The following PLCB1 variants were observed in gnomAD, a reference collection of about 807,000 sequenced individuals.
PLCB1 encodes the protein 1-phosphatidylinositol 4,5-bisphosphate phosphodiesterase beta-1.
In PLCB1, 46 loss-of-function variants were observed where a neutral mutation model predicts 161.8. That is an observed-to-expected ratio of 0.28 (90% confidence interval 0.22 to 0.36). The LOEUF (loss-of-function observed/expected upper bound fraction) is 0.36. PLCB1 is among the 10% of genes least tolerant of loss of function. PLCB1 has a pLI of 1.00. For synonymous variants in PLCB1, 517 were observed against 503.7 expected, an observed-to-expected ratio of 1.03 and a Z score of -0.35; for missense variants, 1,016 against 1,472.5, an observed-to-expected ratio of 0.69 and a Z score of 5.07.
chr20:8,818,349 G>A (rs567544432), intron 31 of PLCB1, among the ~76,000 whole-genome samples: 1 of 152,290 alleles, frequency 6.6e-6, no homozygotes, highest in East Asian at 1.9e-4. Context: ...TGAGGACTGA[G>A]GGTTTCCCAC....
intron 31 of PLCB1, among the ~76,000 whole-genome samples, chr20:8,850,530 T>C (rs1370154654): frequency 6.6e-6 from 1 of 152,248 alleles, no homozygotes; most frequent in African/African-American, 2.4e-5. Flanking sequence ...TGAATATATG[T>C]GTCCCTTCAA....
chr20:8,680,384 A>G (rs1295487100), intron 9 of PLCB1, among the ~76,000 whole-genome samples: 1 of 152,154 alleles, frequency 6.6e-6, no homozygotes, highest in African/African-American at 2.4e-5. Flanking sequence ...ATTTTTGCAA[A>G]TACTCTTGAC....
chr20:8,850,695 G>A (rs557958364), intron 31 of PLCB1, among the ~76,000 whole-genome samples: 2 of 152,266 alleles, frequency 1.3e-5, no homozygotes, highest in South Asian at 2.1e-4. Flanking sequence ...TCTGCCATGT[G>A]AGGACACAGC....
At chr20:8,518,565 G>C (rs574100768) in intron 3 of PLCB1, among the ~76,000 whole-genome samples, 1 of 152,044 alleles carries the variant, frequency 6.6e-6, no homozygotes, top group Non-Finnish European at 1.5e-5. Flanking sequence ...TAGTTCATTA[G>C]TTTATCTATA....
chr20:8,817,178 A>G (rs561114538), intron 31 of PLCB1, among the ~76,000 whole-genome samples: 9 of 152,362 alleles, frequency 5.9e-5, no homozygotes, highest in Non-Finnish European at 8.8e-5. Flanking sequence ...TGAGCTTCCA[A>G]TGAAAACTCT....
intron 27 of PLCB1, among the ~76,000 whole-genome samples, chr20:8,786,957 G>A (rs1983519069): frequency 6.6e-6 from 1 of 151,952 alleles, no homozygotes; most frequent in Non-Finnish European, 1.5e-5. Flanking sequence ...CACCTGCCTC[G>A]GCCTCCCAAA....
At chr20:8,289,391 C>T (rs1469476698) in intron 2 of PLCB1, among the ~76,000 whole-genome samples, 2 of 152,076 alleles carry the variant, frequency 1.3e-5, no homozygotes, top group East Asian at 1.9e-4. Context: ...CACTGAGACT[C>T]CCGGGAAAGC....
intron 2 of PLCB1, among the ~76,000 whole-genome samples, chr20:8,323,323 A>G (rs1238075393): frequency 1.3e-5 from 2 of 152,172 alleles, no homozygotes; most frequent in East Asian, 3.9e-4. Context: ...AACAATAACC[A>G]TCATTTGTTG....
chr20:8,140,182 A>G (rs1543402), intron 1 of PLCB1, among the ~76,000 whole-genome samples: 33,495 of 152,130 alleles, frequency 0.22, 3,871 homozygotes, highest in Admixed American at 0.27. Flanking sequence ...GGTAGATACA[A>G]TAGCTCTCCC....
chr20:8,346,782 G>A (rs1240858234), intron 2 of PLCB1, among the ~76,000 whole-genome samples: 1 of 152,222 alleles, frequency 6.6e-6, no homozygotes, highest in Non-Finnish European at 1.5e-5. Flanking sequence ...GAATCCCAAA[G>A]AGAGCAGCAA....
intron 3 of PLCB1, chr20:8,625,375 A>G (rs1249438031): frequency 1.3e-5 from 2 of 152,194 alleles, no homozygotes; most frequent in African/African-American, 4.8e-5. Flanking sequence ...AGCTGCATTC[A>G]AAAATAGATA....
chr20:8,379,450 C>T (rs929855138), intron 3 of PLCB1, among the ~76,000 whole-genome samples: 1 of 152,138 alleles, frequency 6.6e-6, no homozygotes, highest in Non-Finnish European at 1.5e-5. Flanking sequence ...GACTTATATT[C>T]CTCTGGCTGT....
chr20:8,262,817 T>C (rs1236328248), intron 2 of PLCB1, among the ~76,000 whole-genome samples: 1 of 152,196 alleles, frequency 6.6e-6, no homozygotes, highest in Non-Finnish European at 1.5e-5. Context: ...CTTCTTGCTG[T>C]GTGTTCAACT....
At chr20:8,723,811 C>A (rs1392880104) in intron 15 of PLCB1, among the ~76,000 whole-genome samples, 1 of 151,998 alleles carries the variant, frequency 6.6e-6, no homozygotes, top group Non-Finnish European at 1.5e-5. Flanking sequence ...TTAATCCCTG[C>A]ACTATGCTTT....
chr20:8,496,822 C>T (rs1983197365), intron 3 of PLCB1, among the ~76,000 whole-genome samples: 1 of 151,912 alleles, frequency 6.6e-6, no homozygotes, highest in African/African-American at 2.4e-5. Flanking sequence ...TATCTACTAC[C>T]ACACTCTCAA....
chr20:8,355,512 C>T (rs879440251), intron 2 of PLCB1, among the ~76,000 whole-genome samples: 8 of 152,288 alleles, frequency 5.3e-5, no homozygotes, highest in Admixed American at 3.9e-4. Flanking sequence ...AAATGACCCT[C>T]GTCTCTTCCA....
At chr20:8,817,995 A>G (rs1028606430) in intron 31 of PLCB1, among the ~76,000 whole-genome samples, 3 of 152,224 alleles carry the variant, frequency 2.0e-5, no homozygotes, top group African/African-American at 4.8e-5. Flanking sequence ...TTAGTGATCT[A>G]TATAATTAGC....
At chr20:8,677,313 G>T (rs143335800) in intron 9 of PLCB1, among the ~76,000 whole-genome samples, 2 of 152,074 alleles carry the variant, frequency 1.3e-5, no homozygotes, top group Non-Finnish European at 2.9e-5. Context: ...CAGGAGGATC[G>T]CTTGATCACC....
intron 24 of PLCB1, among the ~76,000 whole-genome samples, chr20:8,759,896 A>ATTT (rs3033840): frequency 0.25 from 19,203 of 77,830 alleles, 2,613 homozygotes; most frequent in Middle Eastern, 0.32. Context: ...ATAATATCAC[A>ATTT]TTTTTTTTTT....
Sources: gnomAD v4.1 joint callset for allele counts (sites outside exome capture counted in the v4.1 genomes callset) on GRCh38, gnomAD v4.1.1 for gene constraint, MANE v1.5 for transcripts, NCBI Gene and HGNC (gene_info 2026-07-23, HGNC 2026-07-21) for gene names.